The following CACNA1E variants were observed in gnomAD, a reference collection of about 807,000 sequenced individuals.
CACNA1E encodes the protein voltage-dependent R-type calcium channel subunit alpha-1E.
In CACNA1E, 40 loss-of-function variants were observed where a neutral mutation model predicts 259.2. That is an observed-to-expected ratio of 0.15 (90% CI 0.12 to 0.20). CACNA1E has a LOEUF of 0.20. Ranked by LOEUF, CACNA1E falls within the 10% of genes least tolerant of loss-of-function variation. The pLI, the probability that CACNA1E is intolerant of heterozygous loss-of-function variation, is 1.00. For missense variants in CACNA1E, 1,874 were observed against 3,040.1 expected (o/e 0.62, Z 9.02); for synonymous variants, 1,104 against 1,138.5 (o/e 0.97, Z 0.61).
intron 2 of CACNA1E, among the ~76,000 whole-genome samples, chr1:181,453,779 G>A (rs1013079173): frequency 6.6e-6 from 1 of 152,116 alleles, no homozygotes; most frequent in Non-Finnish European, 1.5e-5. Flanking sequence ...AGAGAGCTGT[G>A]GGCTCCAGAG....
intron 3 of CACNA1E, among the ~76,000 whole-genome samples, chr1:181,529,488 G>A (rs1379484972): frequency 4.6e-5 from 7 of 152,166 alleles, no homozygotes; most frequent in Non-Finnish European, 8.8e-5. Context: ...ACCCCAGAAT[G>A]GTAGATCCAT....
chr1:181,372,809 AAT>A (rs147359778), intron 1 of CACNA1E, among the ~76,000 whole-genome samples: 3,374 of 143,622 alleles, frequency 0.023, 76 homozygotes, highest in African/African-American at 0.058. Flanking sequence ...AGGGATGTTG[AAT>A]ATATATATAT....
At chr1:181,656,755 A>G (rs1486162022) in intron 7 of CACNA1E, among the ~76,000 whole-genome samples, 1 of 152,188 alleles carries the variant, frequency 6.6e-6, no homozygotes, top group Non-Finnish European at 1.5e-5. Context: ...TCTACGGTGT[A>G]CCATTTTTTA....
intron 1 of CACNA1E, among the ~76,000 whole-genome samples, chr1:181,384,194 T>A (rs1283073691): frequency 6.6e-6 from 1 of 152,180 alleles, no homozygotes; most frequent in Non-Finnish European, 1.5e-5. Context: ...CGCAGTGAAG[T>A]ACATGAGAAA....
intron 1 of CACNA1E, among the ~76,000 whole-genome samples, chr1:181,403,728 G>T (rs1182547791): frequency 6.6e-6 from 1 of 152,210 alleles, no homozygotes; most frequent in African/African-American, 2.4e-5. Context: ...GCTTTGGGGT[G>T]TAAGTAACAG....
chr1:181,426,976 C>A (rs527287885), intron 2 of CACNA1E, among the ~76,000 whole-genome samples: 1 of 150,638 alleles, frequency 6.6e-6, no homozygotes, highest in Non-Finnish European at 1.5e-5. Flanking sequence ...CCCTTCCCAT[C>A]TCAACCCTTT....
At chr1:181,470,807 C>A (rs1465459112) in intron 2 of CACNA1E, among the ~76,000 whole-genome samples, 1 of 152,110 alleles carries the variant, frequency 6.6e-6, no homozygotes, top group Admixed American at 6.6e-5. Context: ...CTGAGTGACC[C>A]CCTGCTCTTC....
intron 4 of CACNA1E, among the ~76,000 whole-genome samples, chr1:181,578,703 T>C (rs1651222184): frequency 6.6e-6 from 1 of 152,264 alleles, no homozygotes; most frequent in Admixed American, 6.5e-5. Context: ...AAACACCTTT[T>C]TACTTAAATC....
intron 2 of CACNA1E, among the ~76,000 whole-genome samples, chr1:181,423,854 T>C (rs1658953147): frequency 6.6e-6 from 1 of 152,180 alleles, no homozygotes; most frequent in East Asian, 1.9e-4. Context: ...TTCTTATATA[T>C]GAGTGCTTTG....
intron 7 of CACNA1E, among the ~76,000 whole-genome samples, chr1:181,699,028 T>C (rs1651974694): frequency 6.6e-6 from 1 of 152,108 alleles, no homozygotes; most frequent in Non-Finnish European, 1.5e-5. Context: ...TCATATAGAG[T>C]GTCAAAGAAT....
chr1:181,584,584 GTC>G (rs1651869096), intron 6 of CACNA1E, among the ~76,000 whole-genome samples: 1 of 152,140 alleles, frequency 6.6e-6, no homozygotes, highest in African/African-American at 2.4e-5. Context: ...TTCACTTTCT[GTC>G]TCATTGAGAT....
chr1:181,733,490 A>T lies in CACNA1E; in HGVS notation c.3002A>T (p.Glu1001Val). ...TCCGGGCTGGCAGGAGGCCTTGATG[A>T]GGCTGACACCCCCCTAGTCCTGCCC... ...RGSGLAGGLD[E>V]ADTPLVLPHP... The change falls in exon 21 of 48, where the codon GAG becomes GTG. Residue 1001 changes from glutamate to valine, a missense_variant. Coordinates refer to ENST00000367573, the MANE Select transcript of CACNA1E (RefSeq NM_001205293.3). 6.3e-7 allele frequency: 1 copy of T among 1,576,454 alleles called. No individual in the cohort carries two copies. The highest frequency in any genetic ancestry group is 8.6e-7 in the Non-Finnish European group (1 of 1,159,698).
intron 1 of CACNA1E, among the ~76,000 whole-genome samples, chr1:181,399,063 C>T (rs987738910): frequency 2.0e-5 from 3 of 152,178 alleles, no homozygotes; most frequent in Non-Finnish European, 4.4e-5. Context: ...TGAGTCCCCC[C>T]ACCACATCCC....
intron 1 of CACNA1E, among the ~76,000 whole-genome samples, chr1:181,390,368 G>A (rs532985819): frequency 2.6e-5 from 4 of 152,050 alleles, no homozygotes; most frequent in East Asian, 3.9e-4. Flanking sequence ...GAAAGAAGTC[G>A]AGAGAACCTG....
At chr1:181,723,389 T>C (rs1654587499) in intron 16 of CACNA1E, among the ~76,000 whole-genome samples, 1 of 152,196 alleles carries the variant, frequency 6.6e-6, no homozygotes, top group South Asian at 2.1e-4. Flanking sequence ...TAAAGACCTT[T>C]TGAATGTGGC....
At chr1:181,447,123 T>C (rs1308275375) in intron 2 of CACNA1E, among the ~76,000 whole-genome samples, 1 of 152,212 alleles carries the variant, frequency 6.6e-6, no homozygotes, top group Non-Finnish European at 1.5e-5. Flanking sequence ...AGGGTTCAAA[T>C]ATCCAGAATA....
At chr1:181,768,769 G>T (rs2102750975) in intron 35 of CACNA1E, among the ~76,000 whole-genome samples, 1 of 152,160 alleles carries the variant, frequency 6.6e-6, no homozygotes, top group Non-Finnish European at 1.5e-5. Flanking sequence ...TCCCCATCCT[G>T]GTCTATGACA....
intron 7 of CACNA1E, among the ~76,000 whole-genome samples, chr1:181,697,619 T>C (rs1651842753): frequency 6.6e-6 from 1 of 152,224 alleles, no homozygotes; most frequent in African/African-American, 2.4e-5. Context: ...TATACTTTTG[T>C]AAAATGCATT....
At position 181,758,207 on chromosome 1, in the gene CACNA1E, C is replaced by T. The variant is rs1350687179; in HGVS notation, c.4494+96C>T. 1 of 1,059,292 alleles carries T rather than the reference C, an allele frequency of 9.4e-7. No individual in the cohort carries two copies. The highest frequency in any genetic ancestry group is 1.6e-5 in the African/African-American group (1 of 63,944). 65.6% of individuals were successfully genotyped at this position (1,059,292 alleles called of 1,614,324 possible). A position where few individuals can be genotyped will look rare whatever the true frequency, so the allele number is the denominator to read the frequency against. On this transcript the variant is annotated intron_variant, in intron 31 of 47. Transcript: ENST00000367573. This position sits in a 1 kb window ranked among gnomAD's most constrained non-coding sequence, Gnocchi z 4.2. ...ACCCCAACATCCCAGCCCATCACTGCTTTACCTACTTTTCCATCATTGAAT... is the reference window on the plus strand; with the variant it reads ...ACCCCAACATCCCAGCCCATCACTGTTTTACCTACTTTTCCATCATTGAAT...
Sources: allele counts gnomAD v4.1 joint callset (sites outside exome capture counted in the v4.1 genomes callset), GRCh38; gene constraint gnomAD v4.1.1; non-coding constraint Gnocchi (gnomAD v3.1); transcripts MANE v1.5; gene names NCBI Gene and HGNC (gene_info 2026-07-23, HGNC 2026-07-21).